CLVS2: variants seen among roughly 807,000 people sequenced by gnomAD.
CLVS2 encodes the protein clavesin-2.
In CLVS2, 19 loss-of-function variants were observed where a neutral mutation model predicts 29.0. The observed-to-expected ratio is 0.66, with a 90% CI of 0.46 to 0.96. The LOEUF (loss-of-function observed/expected upper bound fraction) is 0.96, where lower values mean the gene tolerates loss of function less well. Ranked by LOEUF, CLVS2 falls within the 40% of genes least tolerant of loss-of-function variation. The probability of loss-of-function intolerance (pLI) is 0.00; values close to 1 mark genes in which losing one functional copy is unlikely to be tolerated. For missense variants in CLVS2, 294 were observed against 404.1 expected, an observed-to-expected ratio of 0.73 and a Z score of 2.34; for synonymous variants, 161 against 151.3, an observed-to-expected ratio of 1.06 and a Z score of -0.47.
At chr6:123,051,619 T>C (rs1772613447) in intron 4 of CLVS2, among the ~76,000 whole-genome samples, 1 of 152,216 alleles carries the variant, frequency 6.6e-6, no homozygotes, top group Non-Finnish European at 1.5e-5. Flanking sequence ...AATTTCTTCC[T>C]TTTAGTCAAT....
chr6:123,013,816 C>T (rs564069248), intron 3 of CLVS2, among the ~76,000 whole-genome samples: 88 of 152,050 alleles, frequency 5.8e-4, no homozygotes, highest in African/African-American at 2.0e-3. Context: ...CCTCCTCCCC[C>T]CACCCCACAA....
chr6:123,047,799 GAA>G (rs1772540398), intron 3 of CLVS2, among the ~76,000 whole-genome samples: 1 of 151,602 alleles, frequency 6.6e-6, no homozygotes, highest in South Asian at 2.1e-4. Flanking sequence ...GTGTAATTTT[GAA>G]AGAGTAGCAA....
Position 122,998,175 on chromosome 6 carries a change from T to C in CLVS2, c.389+9T>C, listed in dbSNP as rs1774540022. ...AATTGGGATCAGAGCAGGTAAATCCTAAATCCAAACTTGTATTCTCCTTTT... is the reference window on the plus strand; with the variant it reads ...AATTGGGATCAGAGCAGGTAAATCCCAAATCCAAACTTGTATTCTCCTTTT... On this transcript the variant is annotated intron_variant, in intron 2 of 5. Coordinates refer to ENST00000275162, the MANE Select transcript of CLVS2 (RefSeq NM_001010852.4). 1 of 1,605,868 alleles carries C rather than the reference T, an allele frequency of 6.2e-7. No individual in the cohort carries two copies.
chr6:122,998,197 T>C (rs1408822176), intron 2 of CLVS2, 31 bp downstream of exon 2: 1 of 1,582,846 alleles, frequency 6.3e-7, no homozygotes, highest in Admixed American at 1.7e-5. Flanking sequence ...TGTATTCTCC[T>C]TTTACTCTCC....
At chr6:123,000,667 C>T (rs1442100903) in intron 2 of CLVS2, among the ~76,000 whole-genome samples, 1 of 152,170 alleles carries the variant, frequency 6.6e-6, no homozygotes. Context: ...TCCCTCATCC[C>T]TCCCCTGTTC....
At chr6:123,059,214 A>G (rs77961970) in intron 5 of CLVS2, among the ~76,000 whole-genome samples, 6,780 of 152,036 alleles carry the variant, frequency 0.045, 209 homozygotes, top group South Asian at 0.095. Flanking sequence ...GAGTCTTTTG[A>G]TCTTTGTCAC....
intron 3 of CLVS2, among the ~76,000 whole-genome samples, chr6:123,026,105 T>A (rs1774997612): frequency 6.6e-6 from 1 of 152,066 alleles, no homozygotes; most frequent in Non-Finnish European, 1.5e-5. Context: ...ATGTTAAGAG[T>A]AATATTTGCA....
At chr6:123,024,641 A>G (rs1774974026) in intron 3 of CLVS2, among the ~76,000 whole-genome samples, 1 of 152,150 alleles carries the variant, frequency 6.6e-6, no homozygotes, top group Non-Finnish European at 1.5e-5. Context: ...CATTTGAAAG[A>G]TTCAGGATAA....
chr6:123,016,439 A>G (rs930219095), intron 3 of CLVS2, among the ~76,000 whole-genome samples: 1 of 151,806 alleles, frequency 6.6e-6, no homozygotes, highest in Non-Finnish European at 1.5e-5. Context: ...AGAATCTCCC[A>G]ATTTATAGAT....
At chr6:123,059,821 G>C (rs1372814751) in intron 5 of CLVS2, among the ~76,000 whole-genome samples, 1 of 152,088 alleles carries the variant, frequency 6.6e-6, no homozygotes, top group Non-Finnish European at 1.5e-5. Context: ...TTTGTATCCT[G>C]ATTCTTTTCT....
intron 3 of CLVS2, among the ~76,000 whole-genome samples, chr6:123,015,641 T>C (rs1774820856): frequency 6.6e-6 from 1 of 152,068 alleles, no homozygotes; most frequent in South Asian, 2.1e-4. Flanking sequence ...CATATTAATA[T>C]AGGTGAAATT....
At chr6:123,044,150 T>C (rs1305503479) in intron 3 of CLVS2, among the ~76,000 whole-genome samples, 1 of 152,198 alleles carries the variant, frequency 6.6e-6, no homozygotes, top group Non-Finnish European at 1.5e-5. Context: ...TTTATTACCT[T>C]TTTTCAACCC....
intron 3 of CLVS2, among the ~76,000 whole-genome samples, chr6:123,016,426 T>A (rs919906581): frequency 5.3e-5 from 8 of 151,902 alleles, no homozygotes; most frequent in Non-Finnish European, 8.8e-5. Context: ...TTTTTATAAA[T>A]CCAGAATCTC....
intron 4 of CLVS2, among the ~76,000 whole-genome samples, chr6:123,051,369 C>T (rs1299517092): frequency 4.6e-5 from 7 of 152,292 alleles, no homozygotes; most frequent in South Asian, 2.1e-4. Context: ...GAGTCTTTCA[C>T]GCAGAGCCAA....
intron 4 of CLVS2, among the ~76,000 whole-genome samples, chr6:123,051,155 T>C (rs1036752415): frequency 3.3e-5 from 5 of 152,196 alleles, no homozygotes; most frequent in African/African-American, 1.2e-4. Context: ...TCGGATGCTA[T>C]AAGTCTATGT....
Position 123,063,654 on chromosome 6 carries a change from G to A in CLVS2, c.897-20G>A, listed in dbSNP as rs1253460292. The A allele has an allele frequency of 6.1e-6, 9 of 1,471,152 alleles. No homozygotes were observed. Among genetic ancestry groups the A allele is most frequent in the East Asian group, 2.3e-5 (1 of 43,576 alleles). 91.1% of individuals were successfully genotyped at this position (1,471,152 alleles called of 1,614,324 possible). ...AATTACCTGGTAATAACTCACTGACGTTGGCTTTATCCTTTCCAGATCTCA... is the reference window on the plus strand; with the variant it reads ...AATTACCTGGTAATAACTCACTGACATTGGCTTTATCCTTTCCAGATCTCA... On this transcript the variant is annotated intron_variant, in intron 5 of 5. Coordinates refer to ENST00000275162, the MANE Select transcript of CLVS2 (RefSeq NM_001010852.4).
chr6:123,010,985 G>A lies in CLVS2; in HGVS notation c.390G>A (p.Arg130=). The A allele has an allele frequency of 6.3e-7, 1 of 1,586,318 alleles. No individual in the cohort carries two copies. Residue 130 remains arginine (R), a splice_region_variant and synonymous_variant, in exon 3 of 6, where the codon AGG becomes AGA. Coordinates refer to ENST00000275162, the MANE Select transcript of CLVS2 (RefSeq NM_001010852.4). ...TTTAGTACTTTTCTGTCGCCGATAG[G>A]TACACACTGGTGGATATTTTGCGTG... The part of the protein sequence containing the change: ...VLFAANWDQS[R]YTLVDILRAI...
intron 2 of CLVS2, among the ~76,000 whole-genome samples, chr6:123,000,687 G>A (rs1449721854): frequency 6.6e-6 from 1 of 152,174 alleles, no homozygotes; most frequent in African/African-American, 2.4e-5. Context: ...CTGTGAGTGA[G>A]ATGTTCTCAC....
At chr6:123,058,206 C>T (rs1378894309) in intron 5 of CLVS2, among the ~76,000 whole-genome samples, 1 of 152,114 alleles carries the variant, frequency 6.6e-6, no homozygotes, top group African/African-American at 2.4e-5. Flanking sequence ...ACTGCATCCT[C>T]AACGTTAGGT....
Sources: gnomAD v4.1 joint callset for allele counts (sites outside exome capture counted in the v4.1 genomes callset) on GRCh38, gnomAD v4.1.1 for gene constraint, MANE v1.5 for transcripts, NCBI Gene and HGNC (gene_info 2026-07-23, HGNC 2026-07-21) for gene names.